The following MCCC2 variants were observed in gnomAD, a reference collection of about 807,000 sequenced individuals.
MCCC2 encodes methylcrotonoyl-CoA carboxylase beta chain, mitochondrial.
A neutral mutation model predicts 77.2 loss-of-function variants in MCCC2; 52 were observed. The observed-to-expected ratio is 0.67, with a 90% CI of 0.54 to 0.85. MCCC2 has a LOEUF of 0.85. MCCC2 is among the 40% of genes least tolerant of loss of function. The probability of loss-of-function intolerance (pLI) is 0.00; values close to 1 mark genes in which losing one functional copy is unlikely to be tolerated. For missense variants in MCCC2, 682 were observed against 703.2 expected, an observed-to-expected ratio of 0.97 and a Z score of 0.34; for synonymous variants, 253 against 248.4, an observed-to-expected ratio of 1.02 and a Z score of -0.18.
At chr5:71,592,400 TTAAAAA>T (rs965382772) in intron 1 of MCCC2, among the ~76,000 whole-genome samples, 6 of 151,900 alleles carry the variant, frequency 3.9e-5, no homozygotes, top group African/African-American at 1.2e-4. Flanking sequence ...AAATACAAAA[TTAAAAA>T]TAAAAATAAG....
chr5:71,656,188 C>G (rs959484408), intron 16 of MCCC2, among the ~76,000 whole-genome samples: 4 of 152,106 alleles, frequency 2.6e-5, no homozygotes, highest in Non-Finnish European at 5.9e-5. Context: ...GCACTGCACT[C>G]CAGCCTGGGT....
At chr5:71,639,262 A>G (rs1186719143) in intron 10 of MCCC2, among the ~76,000 whole-genome samples, 2 of 152,214 alleles carry the variant, frequency 1.3e-5, no homozygotes, top group African/African-American at 4.8e-5. Context: ...AGGCTGTTTC[A>G]TCTACACTGA....
chr5:71,591,626 G>A lies in MCCC2; in HGVS notation c.130-1300G>A, dbSNP rs144509328. On this transcript the variant is annotated intron_variant, in intron 1 of 16. Transcript: ENST00000340941. ...TAATTTTGTATTTTTTAGTAGAGAC[G>A]AGTTTTCTCCATGTTGGTCAGGCTG... 1.8e-4 allele frequency among the ~76,000 whole-genome samples: 28 copies of A among 152,048 alleles called. No individual in the cohort carries two copies. In the East Asian group the frequency reaches 5.0e-3, roughly 27 times the overall value.
Position 71,636,040 on chromosome 5 carries a change from A to G in MCCC2, c.999+794A>G, listed in dbSNP as rs76627368. 236 of 351,676 alleles carry G rather than the reference A, an allele frequency of 6.7e-4. No individual in the cohort carries two copies. The East Asian group carries it at 0.013, about 20-fold the overall frequency. The allele number at this position is 351,676 out of a possible 1,614,324, so 21.8% of individuals were successfully genotyped here. On this transcript the variant is annotated intron_variant, in intron 10 of 16. Coordinates refer to ENST00000340941, the MANE Select transcript of MCCC2 (RefSeq NM_022132.5). ...CATTTTTATGTAGTTGAGATAGTCT[A>G]TACGTATATTTTTTTGTTTTACTTT...
At chr5:71,637,548 C>T (rs188875218) in intron 10 of MCCC2, among the ~76,000 whole-genome samples, 316 of 152,272 alleles carry the variant, frequency 2.1e-3, no homozygotes, top group African/African-American at 7.3e-3. Context: ...AGGGTCTTGC[C>T]TTGATGCTAA....
chr5:71,652,568 A>G (rs1747463755), intron 15 of MCCC2, 101 bp from the exon 16 acceptor site: 5 of 883,338 alleles, frequency 5.7e-6, no homozygotes, highest in African/African-American at 3.3e-5. Context: ...TAGATGTAAC[A>G]TTATTATTCA....
intron 3 of MCCC2, among the ~76,000 whole-genome samples, 194 bp from the exon 4 acceptor site, chr5:71,599,465 C>T (rs1037274765): frequency 1.3e-5 from 2 of 152,116 alleles, no homozygotes; most frequent in African/African-American, 4.8e-5. Flanking sequence ...CTTGTCTCAG[C>T]CTCCTGAATA....
At chr5:71,609,355 C>T (rs1387582481) in intron 6 of MCCC2, among the ~76,000 whole-genome samples, 6 of 152,012 alleles carry the variant, frequency 3.9e-5, no homozygotes, top group South Asian at 2.1e-4. Context: ...TACAGTTGAT[C>T]GCTTCAGCTC....
intron 7 of MCCC2, among the ~76,000 whole-genome samples, 156 bp downstream of exon 7, chr5:71,626,909 G>A (rs1225503315): frequency 6.6e-6 from 1 of 152,144 alleles, no homozygotes; most frequent in Non-Finnish European, 1.5e-5. Flanking sequence ...GCTTGGTGAC[G>A]TTTAGTATGT....
intron 6 of MCCC2, among the ~76,000 whole-genome samples, chr5:71,614,853 G>A (rs1746109582): frequency 6.6e-6 from 1 of 151,956 alleles, no homozygotes; most frequent in South Asian, 2.1e-4. Context: ...CCAAAATCAC[G>A]TTGATACCTT....
chr5:71,646,258 G>A lies in MCCC2; in HGVS notation c.1197G>A (p.Leu399=). Residue 399 remains leucine (L), a synonymous_variant, in exon 13 of 17, where the codon CTG becomes CTA. Transcript: ENST00000340941. ...GCTGCCAAAGAAATATTCCTCTGCT[G>A]TTCCTTCAAAACATTACTGGTAAGA... ...QLCCQRNIPL[L]FLQNITGFMV... The A allele has an allele frequency of 6.2e-7, 1 of 1,613,688 alleles. No homozygotes were observed. The highest frequency in any genetic ancestry group is 8.5e-7 in the Non-Finnish European group (1 of 1,179,798).
At chr5:71,603,982 T>G (rs1360943245) in intron 5 of MCCC2, among the ~76,000 whole-genome samples, 1 of 152,198 alleles carries the variant, frequency 6.6e-6, no homozygotes, top group Admixed American at 6.5e-5. Flanking sequence ...CAGAAGGCAA[T>G]ATGTATAAAT....
intron 6 of MCCC2, among the ~76,000 whole-genome samples, chr5:71,610,201 T>C (rs1183459039): frequency 6.6e-6 from 1 of 152,214 alleles, no homozygotes; most frequent in Non-Finnish European, 1.5e-5. Flanking sequence ...CTCAGACTGC[T>C]GTGCTAGCAA....
intron 6 of MCCC2, among the ~76,000 whole-genome samples, chr5:71,610,979 C>T (rs552517464): frequency 5.3e-5 from 8 of 152,174 alleles, no homozygotes; most frequent in African/African-American, 1.4e-4. Flanking sequence ...AGTGAGACTC[C>T]GTCTCAAACA....
Position 71,629,043 on chromosome 5 carries a change from T to C in MCCC2, c.738+2290T>C, listed in dbSNP as rs75875097. ...CAACATAGTGAAACCCCATGTCTCC[T>C]GAAAATACAGAAATTAGCCAGGCAT... On this transcript the variant is annotated intron_variant, in intron 7 of 16. Transcript: ENST00000340941. 5.0e-3 allele frequency among the ~76,000 whole-genome samples: 767 copies of C among 152,074 alleles called. 8 individuals are homozygous for C. Among genetic ancestry groups the C allele is most frequent in the African/African-American group, 0.018 (728 of 41,512 alleles).
At position 71,646,213 on chromosome 5, in the gene MCCC2, T is replaced by G. The variant is rs763832544; in HGVS notation, c.1152T>G (p.Gly384=). The G allele has an allele frequency of 6.2e-7, 1 of 1,613,426 alleles. No individual in the cohort carries two copies. Among genetic ancestry groups the G allele is most frequent in the South Asian group, 1.1e-5 (1 of 91,066 alleles). ...GVLFSESAKK[G]THFVQLCCQR... is the part of the protein sequence containing the mutation. ...ATTTTTATGTTATTTGCTTATAGGG[T>G]ACTCACTTTGTCCAGTTATGCTGCC... is the stretch of plus-strand genomic sequence containing the variant. Residue 384 remains glycine (G), a splice_region_variant and synonymous_variant, in exon 13 of 17, where the codon GGT becomes GGG. Transcript: ENST00000340941.
chr5:71,602,237 T>A (rs1745465269), intron 4 of MCCC2, among the ~76,000 whole-genome samples: 1 of 152,204 alleles, frequency 6.6e-6, no homozygotes, highest in African/African-American at 2.4e-5. Context: ...GGTTGTTAGT[T>A]TTTTATTACT....
chr5:71,615,016 G>A (rs1185468439), intron 6 of MCCC2, among the ~76,000 whole-genome samples: 1 of 151,952 alleles, frequency 6.6e-6, no homozygotes, highest in African/African-American at 2.4e-5. Flanking sequence ...ATCCAGGTTG[G>A]AGTGCAGTGG....
intron 11 of MCCC2, among the ~76,000 whole-genome samples, chr5:71,643,423 G>C (rs1379863534): frequency 6.6e-6 from 1 of 152,082 alleles, no homozygotes; most frequent in Non-Finnish European, 1.5e-5. Context: ...TCAGTATGTT[G>C]ATACTCTCTC....
Sources: allele counts gnomAD v4.1 joint callset (sites outside exome capture counted in the v4.1 genomes callset), GRCh38; gene constraint gnomAD v4.1.1; transcripts MANE v1.5; gene names NCBI Gene and HGNC (gene_info 2026-07-23, HGNC 2026-07-21).